CBLC: variants seen among roughly 807,000 people sequenced by gnomAD.
CBLC encodes the protein Cbl proto-oncogene C, also known as E3 ubiquitin-protein ligase CBL-C.
In CBLC, 46 loss-of-function variants were observed where a neutral mutation model predicts 58.6. The observed-to-expected ratio is 0.79, with a 90% CI of 0.62 to 1.00. The LOEUF is 1.00. CBLC is among the 50% of genes least tolerant of loss of function. The pLI is 0.00. For synonymous variants in CBLC, 271 were observed against 264.2 expected, an observed-to-expected ratio of 1.03 and a Z score of -0.25; for missense variants, 655 against 625.8, an observed-to-expected ratio of 1.05 and a Z score of -0.50.
chr19:44,790,230 T>C, intron 6 of CBLC, 139 bp downstream of exon 6: 1 of 660,078 alleles, frequency 1.5e-6, no homozygotes, highest in Non-Finnish European at 2.7e-6. Flanking sequence ...TCTCTGAGGC[T>C]CAGTTATTCT....
intron 7 of CBLC, 115 bp from the exon 8 acceptor site, chr19:44,793,359 C>A: frequency 8.6e-7 from 1 of 1,166,310 alleles, no homozygotes; most frequent in Non-Finnish European, 1.2e-6. Flanking sequence ...TTCCGTCTCC[C>A]TTCCTCTGTC....
intron 5 of CBLC, among the ~76,000 whole-genome samples, chr19:44,786,925 T>C (rs1040060986): frequency 6.6e-6 from 1 of 151,492 alleles, no homozygotes; most frequent in Non-Finnish European, 1.5e-5. Context: ...GCCAACATGG[T>C]GAAACCTGGT....
chr19:44,781,133 T>G (rs41301961), intron 2 of CBLC, 74 bp from the exon 3 acceptor site: 88,147 of 1,572,578 alleles, frequency 0.056, 4,004 homozygotes, highest in African/African-American at 0.22. Context: ...CACAGCTGCT[T>G]CTTTCCTGGA....
chr19:44,777,976 C>G lies in CBLC; in HGVS notation c.45C>G (p.Ala15=), dbSNP rs1599853408. 6 of 1,606,182 alleles carry G rather than the reference C, an allele frequency of 3.7e-6. No individual in the cohort carries two copies. Among genetic ancestry groups the G allele is most frequent in the East Asian group, 2.2e-5 (1 of 44,752 alleles). ...CGTGGGGGCGACAGTGGGAAGAGGC[C>G]CGCGCCCTGGGCCGGGCAGTCAGGA... ...VAPWGRQWEE[A]RALGRAVRML... The change falls in exon 1 of 11, where the codon GCC becomes GCG. Residue 15 remains alanine (A), a synonymous_variant. Transcript: ENST00000647358.
At position 44,789,736 on chromosome 19, in the gene CBLC, AT is replaced by A. The variant is rs548946435; in HGVS notation, c.918-267del. ...CGTTTTCTGGTTCTTAGTCTATCTC[AT>A]CCTTGTTTCTGGAGCTTGAGTCACT... On this transcript the variant is annotated intron_variant, in intron 5 of 10. Transcript: ENST00000647358. Among the ~76,000 whole-genome samples the A allele has an allele frequency of 1.1e-4, 17 of 151,982 alleles. No homozygotes were observed. In the South Asian group the frequency reaches 3.5e-3, roughly 32 times the overall value.
intron 5 of CBLC, 153 bp downstream of exon 5, chr19:44,784,554 T>G: frequency 1.3e-6 from 1 of 757,938 alleles, no homozygotes; most frequent in Admixed American, 3.1e-5. Flanking sequence ...TTCCAGCAGG[T>G]GGCAGTCAAA....
In CBLC at chr19:44,790,931, GAAA is replaced by G. The variant is rs1968030482; in HGVS notation, c.1005+841_1005+843del. 3.9e-5 allele frequency among the ~76,000 whole-genome samples: 6 copies of G among 152,012 alleles called. No individual in the cohort carries two copies. The South Asian group carries it at 1.2e-3, about 32-fold the overall frequency. The stretch of plus-strand genomic sequence containing the variant: ...TCAAGACCAGCCTGGCCAACATAGT[GAAA>G]CCCATCTCTACCAAAAATACAAAAA... On this transcript the variant is annotated intron_variant, in intron 6 of 10. Coordinates refer to ENST00000647358, the MANE Select transcript of CBLC (RefSeq NM_012116.4).
At chr19:44,799,489 C>T (rs578208972) in intron 9 of CBLC, among the ~76,000 whole-genome samples, 1 of 152,250 alleles carries the variant, frequency 6.6e-6, no homozygotes, top group East Asian at 1.9e-4. Context: ...TGTGCCACCA[C>T]CCCTGGCTAA....
chr19:44,788,290 T>C lies in CBLC; in HGVS notation c.918-1714T>C, dbSNP rs905326833. On this transcript the variant is annotated intron_variant, in intron 5 of 10. Transcript: ENST00000647358. ...ACATGCCACCATGCCCAGCTAATTT[T>C]TTTAATTTTTTTTTTTTTAGACATA... 2.0e-5 allele frequency among the ~76,000 whole-genome samples: 3 copies of C among 151,524 alleles called. No individual in the cohort carries two copies. In the East Asian group the frequency reaches 5.9e-4, roughly 30 times the overall value.
In CBLC at chr19:44,778,088, C is replaced by A. The variant is rs1163724186; in HGVS notation, c.157C>A (p.Gln53Lys). ...SLRDLLPRTA[Q>K]LLREVAHSRR... The stretch of plus-strand genomic sequence containing the variant: ...GCGGGACCTGCTGCCCCGCACAGCG[C>A]AGCTGCTTCGAGAGGTGGCCCATTC... The change falls in exon 1 of 11, where the codon CAG (glutamine) becomes AAG (lysine). Residue 53 changes from glutamine (Q) to lysine (K), a missense_variant. Coordinates refer to ENST00000647358, the MANE Select transcript of CBLC (RefSeq NM_012116.4). 6.2e-7 allele frequency: 1 copy of A among 1,607,336 alleles called. No individual in the cohort carries two copies. The highest frequency in any genetic ancestry group is 1.7e-5 in the Admixed American group (1 of 59,888).
At position 44,781,442 on chromosome 19, in the gene CBLC, A is replaced by G. The variant is rs1031445998; in HGVS notation, c.657+79A>G. 9.9e-6 allele frequency: 14 copies of G among 1,420,590 alleles called. No homozygotes were observed. In the African/African-American group the frequency reaches 1.6e-4, roughly 16 times the overall value. 88.0% of individuals were successfully genotyped at this position (1,420,590 alleles called of 1,614,324 possible). A position where few individuals can be genotyped will look rare whatever the true frequency, so the allele number is the denominator to read the frequency against. On this transcript the variant is annotated intron_variant, in intron 3 of 10. Coordinates refer to ENST00000647358, the MANE Select transcript of CBLC (RefSeq NM_012116.4). ...GCTGAATCCTGGATTCCTGGGTCTG[A>G]GGGAGGAAGGGCCGGGACCTGGACT...
At chr19:44,784,950 G>GTTTGTTTTTTTTTTT (rs1967850075) in intron 5 of CBLC, among the ~76,000 whole-genome samples, 1 of 34,356 alleles carries the variant, frequency 2.9e-5, no homozygotes, top group Non-Finnish European at 6.6e-5. Flanking sequence ...CTAGACAGGT[G>GTTTGTTTTTTTTTTT]TTTTTTTTTT....
intron 10 of CBLC, 21 bp from the exon 11 acceptor site, chr19:44,800,530 C>T (rs1017208827): frequency 1.2e-4 from 104 of 840,230 alleles, no homozygotes; most frequent in Non-Finnish European, 1.8e-4. Context: ...TCATCTAACC[C>T]ACCCCTCTCT....
intron 6 of CBLC, among the ~76,000 whole-genome samples, chr19:44,791,178 T>C (rs923742804): frequency 2.0e-5 from 3 of 151,608 alleles, no homozygotes; most frequent in Non-Finnish European, 4.4e-5. Flanking sequence ...CAGTGGTTCA[T>C]GCCTGTAATC....
At chr19:44,784,978 T>G (rs1449458780) in intron 5 of CBLC, among the ~76,000 whole-genome samples, 4 of 124,784 alleles carry the variant, frequency 3.2e-5, no homozygotes, top group Non-Finnish European at 5.0e-5. Flanking sequence ...TTTTTTTTTT[T>G]TTTTTTTTTT....
chr19:44,785,546 AGATAGATAGATAGAT>A (rs746601948), intron 5 of CBLC, among the ~76,000 whole-genome samples: 2,574 of 140,594 alleles, frequency 0.018, 39 homozygotes, highest in South Asian at 0.053. Flanking sequence ...ATAGATAGAT[AGATAGATAGATAGAT>A]AGATAGATAG....
At chr19:44,793,646 A>C in intron 8 of CBLC, 26 bp downstream of exon 8, 1 of 1,553,242 alleles carries the variant, frequency 6.4e-7, no homozygotes, top group African/African-American at 1.6e-5. Flanking sequence ...CGGGAGCTGG[A>C]ATCCAAATTC....
chr19:44,791,033 C>G (rs938758224), intron 6 of CBLC, among the ~76,000 whole-genome samples: 2 of 151,798 alleles, frequency 1.3e-5, no homozygotes, highest in African/African-American at 4.8e-5. Flanking sequence ...GCACGAGAAT[C>G]ACTTGAACCC....
At chr19:44,785,213 G>C (rs1967867505) in intron 5 of CBLC, among the ~76,000 whole-genome samples, 2 of 151,558 alleles carry the variant, frequency 1.3e-5, no homozygotes, top group South Asian at 4.2e-4. Flanking sequence ...CTGACCTCAT[G>C]ATCCACCCAC....
Sources: gnomAD v4.1 joint callset for allele counts (sites outside exome capture counted in the v4.1 genomes callset) on GRCh38, gnomAD v4.1.1 for gene constraint, MANE v1.5 for transcripts, NCBI Gene and HGNC (gene_info 2026-07-23, HGNC 2026-07-21) for gene names.